Variants in ARIH1 observed in about 807,000 individuals in gnomAD.
The protein encoded by ARIH1 is E3 ubiquitin-protein ligase ARIH1.
ARIH1 carries 8 observed loss-of-function variants against 85.0 expected under a neutral mutation model. The ratio of observed to expected loss-of-function variants is 0.09; its 90% CI spans 0.06 to 0.17. The LOEUF is 0.17. ARIH1 is among the 10% of genes least tolerant of loss of function. ARIH1 has a pLI of 1.00. For missense variants in ARIH1, 311 were observed against 718.1 expected, an observed-to-expected ratio of 0.43 and a Z score of 6.48; for synonymous variants, 238 against 253.6, an observed-to-expected ratio of 0.94 and a Z score of 0.59.
chr15:72,531,661 AAG>A (rs1485518411), intron 2 of ARIH1, among the ~76,000 whole-genome samples: 2 of 152,268 alleles, frequency 1.3e-5, no homozygotes, highest in African/African-American at 2.4e-5. Flanking sequence ...CTGCTTTCAA[AAG>A]AGTGAAAGTA....
At chr15:72,476,218 A>G (rs1157313861) in intron 1 of ARIH1, among the ~76,000 whole-genome samples, 5 of 152,240 alleles carry the variant, frequency 3.3e-5, no homozygotes, top group Middle Eastern at 3.2e-3. Flanking sequence ...AGTTTTAAAA[A>G]TTGAAGCATC....
intron 11 of ARIH1, among the ~76,000 whole-genome samples, chr15:72,577,257 T>G (rs906716260): frequency 6.6e-6 from 1 of 152,066 alleles, no homozygotes; most frequent in African/African-American, 2.4e-5. Context: ...AATGCTGGGA[T>G]TACAGGCGTG....
intron 2 of ARIH1, among the ~76,000 whole-genome samples, chr15:72,520,990 C>T (rs1425709273): frequency 6.6e-6 from 1 of 151,870 alleles, no homozygotes; most frequent in Non-Finnish European, 1.5e-5. Context: ...ACCACAGGCA[C>T]GCATCACCAT....
chr15:72,485,160 A>G, intron 1 of ARIH1, among the ~76,000 whole-genome samples: 1 of 152,064 alleles, frequency 6.6e-6, no homozygotes, highest in South Asian at 2.1e-4. Flanking sequence ...AATCCCACGT[A>G]CTCTACCGAT....
chr15:72,524,163 G>T (rs184354718), intron 2 of ARIH1, among the ~76,000 whole-genome samples: 1 of 151,688 alleles, frequency 6.6e-6, no homozygotes, highest in Non-Finnish European at 1.5e-5. Flanking sequence ...TAGCTAAGAT[G>T]GTCTCGATCT....
intron 10 of ARIH1, among the ~76,000 whole-genome samples, chr15:72,570,959 G>A (rs1451695674): frequency 2.6e-5 from 4 of 151,570 alleles, no homozygotes; most frequent in Non-Finnish European, 4.4e-5. Flanking sequence ...GAGAAACCCC[G>A]TCTCTACTAA....
intron 1 of ARIH1, among the ~76,000 whole-genome samples, chr15:72,477,973 G>A (rs1046723510): frequency 2.9e-4 from 44 of 151,944 alleles, no homozygotes; most frequent in African/African-American, 1.1e-3. Flanking sequence ...CTGCCACCAG[G>A]CCCAGCTAAT....
intron 1 of ARIH1, among the ~76,000 whole-genome samples, chr15:72,513,395 GT>G (rs1010632161): frequency 6.6e-6 from 1 of 151,868 alleles, no homozygotes; most frequent in Non-Finnish European, 1.5e-5. Flanking sequence ...AGTAAAACAG[GT>G]TTTTTTCCTA....
At position 72,583,522 on chromosome 15, in the gene ARIH1, AC is replaced by A. The variant is rs2064302909; in HGVS notation, c.*231del. 1 of 415,740 alleles carries A rather than the reference AC, an allele frequency of 2.4e-6. No homozygotes were observed. Among genetic ancestry groups the A allele is most frequent in the African/African-American group, 2.0e-5 (1 of 49,626 alleles). The allele number at this position is 415,740 out of a possible 1,614,324, so 25.8% of individuals were successfully genotyped here. On this transcript the variant is annotated 3_prime_UTR_variant, in exon 14 of 14. Transcript: ENST00000379887. ...GGCCACCAACAAAAGTGTGACAGACACACTAAAAGCCCTCCAACTTTAACTT... is the reference window on the plus strand; with the variant it reads ...GGCCACCAACAAAAGTGTGACAGACAACTAAAAGCCCTCCAACTTTAACTT...
chr15:72,567,722 C>T (rs1186784712), intron 9 of ARIH1, among the ~76,000 whole-genome samples: 2 of 152,168 alleles, frequency 1.3e-5, no homozygotes, highest in East Asian at 3.8e-4. Flanking sequence ...GAATGCCAAC[C>T]GTGTACCCAG....
intron 11 of ARIH1, among the ~76,000 whole-genome samples, chr15:72,579,960 C>T (rs1281446933): frequency 6.6e-6 from 1 of 152,054 alleles, no homozygotes; most frequent in Non-Finnish European, 1.5e-5. Flanking sequence ...TGAAATGATA[C>T]TTATTTTGAA....
At chr15:72,479,961 G>T (rs2063809069) in intron 1 of ARIH1, among the ~76,000 whole-genome samples, 1 of 151,660 alleles carries the variant, frequency 6.6e-6, no homozygotes, top group Non-Finnish European at 1.5e-5. Flanking sequence ...TCCGCCTCCT[G>T]GGTTCACGCC....
chr15:72,553,740 A>C (rs1013804823), intron 3 of ARIH1, among the ~76,000 whole-genome samples: 133 of 152,320 alleles, frequency 8.7e-4, no homozygotes, highest in South Asian at 1.5e-3. Context: ...AATATGGTGA[A>C]ACCCTGTTTC....
In ARIH1 at chr15:72,600,393, T is replaced by G. The variant is rs1431028181; in HGVS notation, c.*17101T>G. 2.0e-5 allele frequency: 3 copies of G among 152,232 alleles called. No individual in the cohort carries two copies. Among genetic ancestry groups the G allele is most frequent in the Non-Finnish European group, 4.4e-5 (3 of 68,048 alleles). 9.4% of individuals were successfully genotyped at this position (152,232 alleles called of 1,614,324 possible). ...TTTTCCTGTGAACATACTTCTTGTT[T>G]GTTTGTTTTACAGTGGATCTCACTC... On this transcript the variant is annotated 3_prime_UTR_variant, in exon 14 of 14. Coordinates refer to ENST00000379887, the MANE Select transcript of ARIH1 (RefSeq NM_005744.5).
rs182173845 is a variant in ARIH1, at chr15:72,498,794, C to T, written c.376-19273C>T. Among the ~76,000 whole-genome samples the T allele has an allele frequency of 1.0e-3, 156 of 151,170 alleles. 2 individuals are homozygous for T. Among genetic ancestry groups the T allele is most frequent in the Admixed American group, 9.0e-3 (137 of 15,206 alleles). The stretch of plus-strand genomic sequence containing the variant: ...GGCGGAGGTTGCAGGGAGCCAAGAT[C>T]GTGCCACTGCATTCCAGCCTGGGCA... On this transcript the variant is annotated intron_variant, in intron 1 of 13. Transcript: ENST00000379887.
chr15:72,572,241 T>A, intron 11 of ARIH1, 76 bp downstream of exon 11: 1 of 974,008 alleles, frequency 1.0e-6, no homozygotes. Flanking sequence ...AGAATAATTT[T>A]TTTTTTTTTT....
chr15:72,528,472 A>G (rs2064039982), intron 2 of ARIH1, among the ~76,000 whole-genome samples: 1 of 152,166 alleles, frequency 6.6e-6, no homozygotes, highest in Non-Finnish European at 1.5e-5. Context: ...AGCCTCAGGG[A>G]TGGTGAAAGT....
intron 1 of ARIH1, among the ~76,000 whole-genome samples, chr15:72,501,974 A>G (rs1466215446): frequency 6.6e-6 from 1 of 152,226 alleles, no homozygotes; most frequent in Non-Finnish European, 1.5e-5. Flanking sequence ...AGGTAACGAT[A>G]AAAGTTTAAA....
chr15:72,555,713 T>G (rs1266334832), intron 4 of ARIH1, 139 bp from the exon 5 acceptor site: 19 of 729,630 alleles, frequency 2.6e-5, no homozygotes, highest in Middle Eastern at 2.8e-4. Flanking sequence ...CTCACACACA[T>G]TTCCTTTAAG....
Sources: gnomAD v4.1 joint callset for allele counts (sites outside exome capture counted in the v4.1 genomes callset) on GRCh38, gnomAD v4.1.1 for gene constraint, MANE v1.5 for transcripts, NCBI Gene and HGNC (gene_info 2026-07-23, HGNC 2026-07-21) for gene names.